INPP4B: variants seen among roughly 807,000 people sequenced by gnomAD.
INPP4B encodes the protein inositol polyphosphate 4-phosphatase type II.
A neutral mutation model predicts 122.5 loss-of-function variants in INPP4B; 55 were observed. The observed-to-expected ratio is 0.45, with a 90% CI of 0.36 to 0.56. The LOEUF (loss-of-function observed/expected upper bound fraction) is 0.56. Ranked by LOEUF, INPP4B falls within the 20% of genes least tolerant of loss-of-function variation. INPP4B has a pLI of 0.00. For missense variants in INPP4B, 1,000 were observed against 1,097.7 expected, an observed-to-expected ratio of 0.91 and a Z score of 1.26; for synonymous variants, 403 against 388.7, an observed-to-expected ratio of 1.04 and a Z score of -0.43.
rs1780872915 is a variant in INPP4B at position 142,822,225 on chromosome 4, TGCA to T, written c.-254+23981_-254+23983del. 2.6e-5 allele frequency among the ~76,000 whole-genome samples: 4 copies of T among 152,196 alleles called. No individual in the cohort carries two copies. The South Asian group carries it at 8.3e-4, about 31-fold the overall frequency. On this transcript the variant is annotated intron_variant, in intron 1 of 25. Coordinates refer to ENST00000262992, the MANE Select transcript of INPP4B (RefSeq NM_001101669.3). ...CCTAAAGCTCACGGTATGTTTACTG[TGCA>T]GCACTATGTCAAGCACTTTAAGTGC...
At chr4:142,771,394 C>A (rs890080491) in intron 1 of INPP4B, among the ~76,000 whole-genome samples, 1 of 152,028 alleles carries the variant, frequency 6.6e-6, no homozygotes, top group Non-Finnish European at 1.5e-5. Context: ...GTTTCTCTGG[C>A]AAATGTATGG....
At chr4:142,706,612 T>C (rs1301132281) in intron 2 of INPP4B, among the ~76,000 whole-genome samples, 3 of 152,254 alleles carry the variant, frequency 2.0e-5, no homozygotes, top group Admixed American at 6.5e-5. Context: ...GCAATCATCC[T>C]AGGCTAAGGC....
Position 142,516,160 on chromosome 4 carries a change from C to CT in INPP4B, c.-190-53435dup, listed in dbSNP as rs967869119. ...GGGGAAGGTTTTCAGCAAAAGATCT[C>CT]TTTTTTTGCTGAAAGTGAGGACTCT... On this transcript the variant is annotated intron_variant, in intron 2 of 25. Coordinates refer to ENST00000262992, the MANE Select transcript of INPP4B (RefSeq NM_001101669.3). 4.0e-4 allele frequency among the ~76,000 whole-genome samples: 61 copies of CT among 152,206 alleles called. 1 individual carries two copies. Among genetic ancestry groups the CT allele is most frequent in the Middle Eastern group, 3.4e-3 (1 of 294 alleles).
At chr4:142,629,289 A>G (rs1274265126) in intron 2 of INPP4B, among the ~76,000 whole-genome samples, 2 of 152,066 alleles carry the variant, frequency 1.3e-5, no homozygotes, top group Admixed American at 1.3e-4. Context: ...TTATTCAACA[A>G]ATGATTATGG....
chr4:142,537,429 T>TATATATATATATAGAGAGAGAG (rs1200701380), intron 2 of INPP4B, among the ~76,000 whole-genome samples: 6 of 25,486 alleles, frequency 2.4e-4, no homozygotes, highest in Non-Finnish European at 4.6e-4. Flanking sequence ...TATATATATA[T>TATATATATATATAGAGAGAGAG]AGAGAGAGAG....
chr4:142,344,477 A>G (rs1336088518), intron 7 of INPP4B, among the ~76,000 whole-genome samples: 1 of 152,052 alleles, frequency 6.6e-6, no homozygotes, highest in Non-Finnish European at 1.5e-5. Flanking sequence ...GCAAAGTCCG[A>G]GTTGACAGTG....
At chr4:142,490,089 T>G (rs993190999) in intron 2 of INPP4B, among the ~76,000 whole-genome samples, 1 of 152,064 alleles carries the variant, frequency 6.6e-6, no homozygotes, top group Non-Finnish European at 1.5e-5. Context: ...TTTCCTTTTT[T>G]TTTGTTCAGA....
intron 2 of INPP4B, among the ~76,000 whole-genome samples, chr4:142,633,164 A>G (rs2150433996): frequency 6.6e-6 from 1 of 152,134 alleles, no homozygotes; most frequent in African/African-American, 2.4e-5. Flanking sequence ...AGGACACTTC[A>G]TAACAACAAA....
chr4:142,790,110 C>A (rs1776330545), intron 1 of INPP4B, among the ~76,000 whole-genome samples: 1 of 152,114 alleles, frequency 6.6e-6, no homozygotes, highest in African/African-American at 2.4e-5. Flanking sequence ...AAATCTAAGA[C>A]CTGAAACTAT....
At chr4:142,381,145 G>T (rs1001630355) in intron 7 of INPP4B, among the ~76,000 whole-genome samples, 1 of 152,028 alleles carries the variant, frequency 6.6e-6, no homozygotes, top group Non-Finnish European at 1.5e-5. Context: ...GGATCAAAAT[G>T]TACACTTATT....
At chr4:142,220,719 TCA>T (rs964700486) in intron 12 of INPP4B, among the ~76,000 whole-genome samples, 3 of 152,144 alleles carry the variant, frequency 2.0e-5, no homozygotes, top group African/African-American at 4.8e-5. Flanking sequence ...AAATTTATTT[TCA>T]CAGAGTTCTA....
At chr4:142,209,065 C>T (rs764203414) in intron 12 of INPP4B, 39 bp from the exon 13 acceptor site, 2 of 1,510,528 alleles carry the variant, frequency 1.3e-6, no homozygotes, top group Non-Finnish European at 1.8e-6. Context: ...TTATTTTTAT[C>T]TTAAATCCAT....
intron 18 of INPP4B, among the ~76,000 whole-genome samples, chr4:142,140,213 C>G (rs915276392): frequency 6.6e-6 from 1 of 152,170 alleles, no homozygotes; most frequent in African/African-American, 2.4e-5. Context: ...AGTGATGACT[C>G]GAAGCCTATG....
chr4:142,287,706 C>T (rs1377690663), intron 9 of INPP4B: 8 of 152,126 alleles, frequency 5.3e-5, no homozygotes, highest in South Asian at 2.1e-4. Flanking sequence ...TAATTATTAG[C>T]GATAACAACA....
rs868642059 is a variant in INPP4B at position 142,260,559 on chromosome 4, G to A, written c.621C>T (p.Ala207=). The change falls in exon 11 of 26, where the codon GCC becomes GCT. Residue 207 remains alanine (A), a synonymous_variant. Transcript: ENST00000262992. ...ITTDVQGQKC[A]LVCECTAPES... The stretch of plus-strand genomic sequence containing the variant: ...CCGGGGCTGTACATTCACATACCAG[G>A]GCACACTAGGAAAAAATGTAAAAAA... 1.3e-6 allele frequency: 2 copies of A among 1,562,966 alleles called. No individual in the cohort carries two copies. Among genetic ancestry groups the A allele is most frequent in the African/African-American group, 2.8e-5 (2 of 70,916 alleles).
chr4:142,804,296 C>G (rs957427361), intron 1 of INPP4B, among the ~76,000 whole-genome samples: 3 of 152,178 alleles, frequency 2.0e-5, no homozygotes, highest in Admixed American at 2.0e-4. Context: ...AATTCTTACA[C>G]TAACCTGAAG....
intron 2 of INPP4B, among the ~76,000 whole-genome samples, chr4:142,631,757 G>A (rs1560892847): frequency 6.6e-6 from 1 of 152,160 alleles, no homozygotes; most frequent in Admixed American, 6.6e-5. Context: ...CAGAAAAAAG[G>A]AAGCTGAACA....
At chr4:142,586,061 T>G (rs114712439) in intron 2 of INPP4B, among the ~76,000 whole-genome samples, 2,139 of 151,998 alleles carry the variant, frequency 0.014, 39 homozygotes, top group African/African-American at 0.041. Context: ...TGTAATCCCA[T>G]CACCTTGAGA....
At chr4:142,825,776 G>T (rs1581004518) in intron 1 of INPP4B, among the ~76,000 whole-genome samples, 1 of 151,834 alleles carries the variant, frequency 6.6e-6, no homozygotes, top group South Asian at 2.1e-4. Flanking sequence ...TGCTCTGAAA[G>T]GATAAAATAT....
Sources: allele counts gnomAD v4.1 joint callset (sites outside exome capture counted in the v4.1 genomes callset), GRCh38; gene constraint gnomAD v4.1.1; transcripts MANE v1.5; gene names NCBI Gene and HGNC (gene_info 2026-07-23, HGNC 2026-07-21).